Variants in LRRK1 observed in about 807,000 individuals in gnomAD.
LRRK1 encodes leucine-rich repeat serine/threonine-protein kinase 1.
LRRK1 carries 113 observed loss-of-function variants against 209.1 expected under a neutral mutation model. The observed-to-expected ratio is 0.54, with a 90% CI of 0.46 to 0.63. The LOEUF is 0.63. Among genes scored for constraint, LRRK1 ranks in the 30% least tolerant of loss-of-function variants. The pLI, the probability that LRRK1 is intolerant of heterozygous loss-of-function variation, is 0.00. For missense variants in LRRK1, 2,284 were observed against 2,632.2 expected, an observed-to-expected ratio of 0.87 and a Z score of 2.89; for synonymous variants, 1,144 against 1,099.7, an observed-to-expected ratio of 1.04 and a Z score of -0.80.
intron 2 of LRRK1, among the ~76,000 whole-genome samples, chr15:100,962,545 T>A (rs2030063224): frequency 6.6e-6 from 1 of 151,396 alleles, no homozygotes; most frequent in Non-Finnish European, 1.5e-5. Flanking sequence ...AATAAATAAA[T>A]AAAATTTTAA....
At chr15:100,944,348 G>C (rs953460107) in intron 2 of LRRK1, among the ~76,000 whole-genome samples, 3 of 152,196 alleles carry the variant, frequency 2.0e-5, no homozygotes, top group African/African-American at 7.2e-5. Flanking sequence ...CAGCTGCAGA[G>C]CAGTGCAGCA....
intron 4 of LRRK1, among the ~76,000 whole-genome samples, chr15:100,988,387 T>C (rs1596241223): frequency 1.3e-5 from 2 of 152,230 alleles, no homozygotes; most frequent in African/African-American, 4.8e-5. Flanking sequence ...TTATAAGTGA[T>C]AACATGCAGT....
intron 19 of LRRK1, among the ~76,000 whole-genome samples, chr15:101,028,386 A>G (rs1213358519): frequency 6.6e-6 from 1 of 152,234 alleles, no homozygotes; most frequent in Admixed American, 6.5e-5. Context: ...TTTCCTCCAT[A>G]AGGCACATCG....
chr15:101,031,156 T>C (rs567356615), intron 20 of LRRK1, among the ~76,000 whole-genome samples: 1 of 152,340 alleles, frequency 6.6e-6, no homozygotes, highest in African/African-American at 2.4e-5. Flanking sequence ...CCCGGATCGC[T>C]AGTGTTCAAA....
At chr15:100,926,012 G>A (rs1458245718) in intron 2 of LRRK1, among the ~76,000 whole-genome samples, 2 of 152,198 alleles carry the variant, frequency 1.3e-5, no homozygotes, top group African/African-American at 2.4e-5. Context: ...CAGACACTTT[G>A]TTCAGTTGTT....
At chr15:100,945,907 A>G (rs2042532312) in intron 2 of LRRK1, among the ~76,000 whole-genome samples, 1 of 152,196 alleles carries the variant, frequency 6.6e-6, no homozygotes, top group Non-Finnish European at 1.5e-5. Flanking sequence ...TAGATGCTCT[A>G]TCAAGATCTA....
intron 17 of LRRK1, among the ~76,000 whole-genome samples, chr15:101,026,809 C>T (rs910266796): frequency 6.6e-6 from 1 of 152,180 alleles, no homozygotes. Context: ...CAGAGCGCCA[C>T]GGGTATTGGT....
At chr15:100,983,820 C>T (rs2031730199) in intron 4 of LRRK1, 121 bp downstream of exon 4, 1 of 989,292 alleles carries the variant, frequency 1.0e-6, no homozygotes, top group Non-Finnish European at 1.6e-6. Context: ...ACAGGGTAGG[C>T]CATTGACACC....
At chr15:100,925,949 C>T (rs376508595) in intron 2 of LRRK1, among the ~76,000 whole-genome samples, 6 of 152,220 alleles carry the variant, frequency 3.9e-5, no homozygotes, top group African/African-American at 1.2e-4. Context: ...GAGAGGCCCA[C>T]GTTTGTACCC....
chr15:101,023,829 A>G (rs2033903089), intron 15 of LRRK1, among the ~76,000 whole-genome samples: 1 of 152,244 alleles, frequency 6.6e-6, no homozygotes, highest in Admixed American at 6.5e-5. Flanking sequence ...ACAATCAAAC[A>G]CGACAATCAA....
chr15:100,973,918 G>A lies in LRRK1; in HGVS notation c.212G>A (p.Arg71Gln). The change falls in exon 3 of 34, where the codon CGG (arginine) becomes CAG (glutamine). Residue 71 changes from arginine to glutamine, a missense_variant. By Grantham distance (43) the Arg-to-Gln change is conservative. Coordinates refer to ENST00000388948, the MANE Select transcript of LRRK1 (RefSeq NM_024652.6). ...AYRRGDRGGARDLLEEACDQC... is the reference protein window; with the variant it reads ...AYRRGDRGGAQDLLEEACDQC... ...AGGCGGGGAGACCGCGGCGGCGCCC[G>A]GGACCTGCTGGAGGAGGCCTGCGAC... 4.0e-6 allele frequency: 5 copies of A among 1,265,204 alleles called. No homozygotes were observed. The highest frequency in any genetic ancestry group is 3.0e-6 in the Non-Finnish European group (3 of 999,840). The allele number at this position is 1,265,204 out of a possible 1,614,324, so 78.4% of individuals were successfully genotyped here. A position where few individuals can be genotyped will look rare whatever the true frequency, so the allele number is the denominator to read the frequency against.
chr15:101,011,832 G>A (rs1409228199), intron 9 of LRRK1, among the ~76,000 whole-genome samples, 176 bp from the exon 10 acceptor site: 2 of 152,190 alleles, frequency 1.3e-5, no homozygotes, highest in African/African-American at 2.4e-5. Flanking sequence ...TGGAGTAGGG[G>A]CGGGAGGACA....
chr15:101,052,860 AGCCCAGGACCCACCC>A (rs2035542937), intron 24 of LRRK1, 47 bp from the exon 25 acceptor site: 1 of 1,545,938 alleles, frequency 6.5e-7, no homozygotes, highest in Non-Finnish European at 8.8e-7. Flanking sequence ...CAAATGACCC[AGCCCAGGACCCACCC>A]GCATCAGGGC....
intron 20 of LRRK1, among the ~76,000 whole-genome samples, chr15:101,040,760 T>G (rs2034714163): frequency 6.6e-6 from 1 of 152,250 alleles, no homozygotes; most frequent in Non-Finnish European, 1.5e-5. Flanking sequence ...TATATTATTT[T>G]GGTCAGAGAA....
At chr15:101,042,701 C>A (rs187762498) in intron 20 of LRRK1, among the ~76,000 whole-genome samples, 195 of 152,326 alleles carry the variant, frequency 1.3e-3, no homozygotes, top group Non-Finnish European at 2.0e-3. Flanking sequence ...GGGAGTGAGG[C>A]CCCCTATCCT....
chr15:100,932,428 G>T (rs1198521182), intron 2 of LRRK1, among the ~76,000 whole-genome samples: 1 of 152,168 alleles, frequency 6.6e-6, no homozygotes, highest in African/African-American at 2.4e-5. Flanking sequence ...CCCTCTATAT[G>T]CACCACATCT....
chr15:100,989,076 C>G lies in LRRK1; in HGVS notation c.614-174C>G, dbSNP rs570507184. ...GTACGAGGCACTCCAAAGGGCAAAG[C>G]CCCACAGAAATTCTCCCACTAACAG... On this transcript the variant is annotated intron_variant, in intron 5 of 33. Coordinates refer to ENST00000388948, the MANE Select transcript of LRRK1 (RefSeq NM_024652.6). Among the ~76,000 whole-genome samples the G allele has an allele frequency of 2.6e-5, 4 of 152,370 alleles. No individual in the cohort carries two copies. In the South Asian group the frequency reaches 8.3e-4, roughly 32 times the overall value.
At chr15:100,974,413 G>T (rs2141654395) in intron 3 of LRRK1, among the ~76,000 whole-genome samples, 1 of 148,212 alleles carries the variant, frequency 6.7e-6, no homozygotes, top group South Asian at 2.1e-4. Flanking sequence ...TTTTCTTCCA[G>T]CCTGCCGATC....
intron 31 of LRRK1, among the ~76,000 whole-genome samples, chr15:101,062,926 C>A (rs1196032387): frequency 2.0e-5 from 3 of 152,154 alleles, no homozygotes; most frequent in East Asian, 1.9e-4. Flanking sequence ...AATGAAAAAC[C>A]CCCTTTCACA....
Sources: gnomAD v4.1 joint callset for allele counts (sites outside exome capture counted in the v4.1 genomes callset) on GRCh38, gnomAD v4.1.1 for gene constraint, MANE v1.5 for transcripts, NCBI Gene and HGNC (gene_info 2026-07-23, HGNC 2026-07-21) for gene names.